SECISBP2L: variants seen among roughly 807,000 people sequenced by gnomAD.
SECISBP2L encodes the protein SECIS binding protein 2 like, also known as selenocysteine insertion sequence-binding protein 2-like.
In SECISBP2L, 43 loss-of-function variants were observed where a neutral mutation model predicts 114.7. The observed-to-expected ratio is 0.38, with a 90% CI of 0.29 to 0.48. The LOEUF is 0.48. Ranked by LOEUF, SECISBP2L falls within the 20% of genes least tolerant of loss-of-function variation. SECISBP2L has a pLI of 0.98. For synonymous variants in SECISBP2L, 451 were observed against 439.7 expected, an observed-to-expected ratio of 1.03 and a Z score of -0.32; for missense variants, 1,136 against 1,301.1, an observed-to-expected ratio of 0.87 and a Z score of 1.95.
At chr15:49,022,941 A>G (rs1052304553) in intron 7 of SECISBP2L, among the ~76,000 whole-genome samples, 2 of 152,152 alleles carry the variant, frequency 1.3e-5, no homozygotes, top group African/African-American at 4.8e-5. Context: ...TGAATACACT[A>G]GAGGAAAAAA....
chr15:49,010,124 G>C (rs144072537), intron 13 of SECISBP2L, among the ~76,000 whole-genome samples: 4 of 138,830 alleles, frequency 2.9e-5, no homozygotes, highest in Non-Finnish European at 4.6e-5. Flanking sequence ...AACAGAGGCA[G>C]ACACACACAC....
chr15:49,023,270 AG>A (rs1902677854), intron 7 of SECISBP2L, among the ~76,000 whole-genome samples: 1 of 152,214 alleles, frequency 6.6e-6, no homozygotes, highest in Non-Finnish European at 1.5e-5. Flanking sequence ...AAATAGATCA[AG>A]ATTCAAAAAA....
intron 7 of SECISBP2L, among the ~76,000 whole-genome samples, chr15:49,025,227 G>A (rs1457517264): frequency 3.3e-5 from 5 of 152,288 alleles, no homozygotes; most frequent in Admixed American, 1.3e-4. Flanking sequence ...ACATGGAAGA[G>A]TGAATTATTT....
intron 7 of SECISBP2L, among the ~76,000 whole-genome samples, chr15:49,023,422 A>G (rs965134197): frequency 6.6e-6 from 1 of 152,362 alleles, no homozygotes; most frequent in Non-Finnish European, 1.5e-5. Flanking sequence ...AAAACGCACT[A>G]TATCTGAAGC....
chr15:49,044,831 G>C (rs1415058973), intron 1 of SECISBP2L, among the ~76,000 whole-genome samples: 1 of 152,130 alleles, frequency 6.6e-6, no homozygotes, highest in African/African-American at 2.4e-5. Context: ...CCTCTAGGAT[G>C]AAAGGAACTC....
intron 3 of SECISBP2L, among the ~76,000 whole-genome samples, chr15:49,033,373 C>T (rs1902937892): frequency 6.6e-6 from 1 of 152,032 alleles, no homozygotes; most frequent in Non-Finnish European, 1.5e-5. Context: ...TTTTTAACTG[C>T]TAATTTTCTC....
intron 1 of SECISBP2L, among the ~76,000 whole-genome samples, chr15:49,044,616 GA>G (rs919403807): frequency 1.9e-4 from 29 of 151,936 alleles, no homozygotes; most frequent in African/African-American, 6.8e-4. Context: ...AGTACTGGAA[GA>G]AAAAAAAGTC....
chr15:49,028,729 G>T (rs1902817129), intron 4 of SECISBP2L, 47 bp from the exon 5 acceptor site: 1 of 1,431,204 alleles, frequency 7.0e-7, no homozygotes, highest in South Asian at 1.2e-5. Flanking sequence ...TGAACAAATT[G>T]ATAAATTCTC....
intron 14 of SECISBP2L, among the ~76,000 whole-genome samples, chr15:49,003,062 T>C (rs1391703318): frequency 6.6e-6 from 1 of 152,238 alleles, no homozygotes; most frequent in Non-Finnish European, 1.5e-5. Flanking sequence ...TTTCACAATA[T>C]TGATTCTTCC....
At chr15:48,999,762 A>G (rs1902165164) in intron 16 of SECISBP2L, 71 bp downstream of exon 16, 4 of 1,534,218 alleles carry the variant, frequency 2.6e-6, no homozygotes, top group Non-Finnish European at 3.6e-6. Context: ...ACACTGGCAT[A>G]TGTCAATCGA....
Position 48,991,142 on chromosome 15 carries a change from TA to T in SECISBP2L, c.*1101del, listed in dbSNP as rs1465300477. 2 of 152,256 alleles carry T rather than the reference TA, an allele frequency of 1.3e-5. No individual in the cohort carries two copies. Among genetic ancestry groups the T allele is most frequent in the Non-Finnish European group, 2.9e-5 (2 of 68,046 alleles). The allele number at this position is 152,256 out of a possible 1,614,324, so 9.4% of individuals were successfully genotyped here. Reference sequence around the variant, plus strand: ...ATTAGAACAACTTTCTCTTATCTTCTAAAACTTCCTCCTCTAAGCCTTGATT... The same window carrying T: ...ATTAGAACAACTTTCTCTTATCTTCTAAACTTCCTCCTCTAAGCCTTGATT... On this transcript the variant is annotated 3_prime_UTR_variant, in exon 18 of 18. Transcript: ENST00000559471.
At chr15:49,000,096 TTG>T in intron 15 of SECISBP2L, 109 bp from the exon 16 acceptor site, 1 of 1,093,452 alleles carries the variant, frequency 9.1e-7, no homozygotes, top group Admixed American at 2.2e-5. Flanking sequence ...CTATGAACAC[TTG>T]TAGCACTTAA....
intron 13 of SECISBP2L, among the ~76,000 whole-genome samples, chr15:49,010,063 T>A (rs977555697): frequency 6.7e-6 from 1 of 149,306 alleles, no homozygotes; most frequent in Admixed American, 6.7e-5. Flanking sequence ...AACCCGGAGG[T>A]GGAGGTTGCA....
intron 16 of SECISBP2L, among the ~76,000 whole-genome samples, chr15:48,997,767 G>A (rs1902123558): frequency 6.6e-6 from 1 of 152,148 alleles, no homozygotes; most frequent in South Asian, 2.1e-4. Context: ...TACTCGGGAG[G>A]CTGAGGCAGG....
In SECISBP2L at chr15:48,991,478, T is replaced by C. The variant is rs970076293; in HGVS notation, c.*766A>G. 3 of 152,680 alleles carry C rather than the reference T, an allele frequency of 2.0e-5. No homozygotes were observed. Among genetic ancestry groups the C allele is most frequent in the African/African-American group, 4.8e-5 (2 of 41,456 alleles). The allele number at this position is 152,680 out of a possible 1,614,324, so 9.5% of individuals were successfully genotyped here. A position where few individuals can be genotyped will look rare whatever the true frequency, so the allele number is the denominator to read the frequency against. ...CACCTGTCAACATGTGCCTAGCTTT[T>C]TGTAAATAAGTCTATGTACAAGAGC... On this transcript the variant is annotated 3_prime_UTR_variant, in exon 18 of 18. Coordinates refer to ENST00000559471, the MANE Select transcript of SECISBP2L (RefSeq NM_001193489.2).
intron 7 of SECISBP2L, among the ~76,000 whole-genome samples, chr15:49,026,014 T>C (rs1365909927): frequency 6.6e-6 from 1 of 152,104 alleles, no homozygotes; most frequent in Non-Finnish European, 1.5e-5. Context: ...AGAAATGTGG[T>C]ATATATAAAC....
At chr15:49,005,340 T>C (rs1486929059) in intron 14 of SECISBP2L, among the ~76,000 whole-genome samples, 1 of 151,894 alleles carries the variant, frequency 6.6e-6, no homozygotes, top group African/African-American at 2.4e-5. Context: ...AAAAAAAAAG[T>C]CTCCCACTAT....
At position 48,992,571 on chromosome 15, in the gene SECISBP2L, A is replaced by T. The variant is rs17853133; in HGVS notation, c.2979T>A (p.Asp993Glu). The T allele has an allele frequency of 1.9e-6, 3 of 1,613,660 alleles. No individual in the cohort carries two copies. Among genetic ancestry groups the T allele is most frequent in the South Asian group, 2.2e-5 (2 of 91,058 alleles). The change falls in exon 18 of 18, where the codon GAT becomes GAA. Residue 993 changes from aspartate (D) to glutamate (E), a missense_variant. Transcript: ENST00000559471. ...AATCTTCCTCCTCCTCCTCATCTTC[A>T]TCTTCTTCTTCTTCAAGCATGCCAG... ...LVPGMLEEEE[D>E]EDEEEEEDYT...
At chr15:48,996,646 T>C in intron 16 of SECISBP2L, 60 bp from the exon 17 acceptor site, 3 of 1,425,852 alleles carry the variant, frequency 2.1e-6, no homozygotes, top group South Asian at 2.5e-5. Flanking sequence ...ATTCCTATTA[T>C]GGATAATAAA....
Sources: allele counts gnomAD v4.1 joint callset (sites outside exome capture counted in the v4.1 genomes callset), GRCh38; gene constraint gnomAD v4.1.1; transcripts MANE v1.5; gene names NCBI Gene and HGNC (gene_info 2026-07-23, HGNC 2026-07-21).